The following CDH7 variants were observed in gnomAD, a reference collection of about 807,000 sequenced individuals.
CDH7 encodes cadherin-7.
Under a neutral mutation model 71.8 loss-of-function variants are expected in CDH7, and 25 were observed. The observed-to-expected ratio is 0.35, with a 90% CI of 0.25 to 0.49. The LOEUF (loss-of-function observed/expected upper bound fraction) is 0.49. Among genes scored for constraint, CDH7 ranks in the 20% least tolerant of loss-of-function variants. The pLI, the probability that CDH7 is intolerant of heterozygous loss-of-function variation, is 0.99. For missense variants in CDH7, 862 were observed against 974.6 expected, an observed-to-expected ratio of 0.88 and a Z score of 1.54; for synonymous variants, 381 against 363.8, an observed-to-expected ratio of 1.05 and a Z score of -0.54.
chr18:65,867,829 A>T (rs192639593), intron 11 of CDH7, among the ~76,000 whole-genome samples: 57 of 152,264 alleles, frequency 3.7e-4, no homozygotes, highest in African/African-American at 1.3e-3. Context: ...CTCAGATTTA[A>T]TAAGGTGTTT....
intron 2 of CDH7, among the ~76,000 whole-genome samples, chr18:65,770,234 C>T (rs1472904560): frequency 2.6e-5 from 4 of 152,070 alleles, no homozygotes; most frequent in Non-Finnish European, 5.9e-5. Context: ...CTGAACCATG[C>T]AATAGTATTC....
chr18:65,835,423 T>C (rs570614199), intron 6 of CDH7, among the ~76,000 whole-genome samples: 2 of 152,282 alleles, frequency 1.3e-5, no homozygotes, highest in Admixed American at 1.3e-4. Flanking sequence ...AAATACTGAA[T>C]CTCAGTTCTG....
intron 2 of CDH7, among the ~76,000 whole-genome samples, chr18:65,779,524 A>G (rs1231287562): frequency 1.6e-5 from 1 of 62,734 alleles, no homozygotes; most frequent in African/African-American, 6.9e-5. Flanking sequence ...TCATTGTTCA[A>G]TTCCCACCTA....
intron 11 of CDH7, 73 bp downstream of exon 11, chr18:65,862,990 T>G: frequency 6.7e-7 from 1 of 1,492,976 alleles, no homozygotes; most frequent in Non-Finnish European, 9.2e-7. Context: ...GCCTATTATC[T>G]TCTCCATTTG....
chr18:65,868,534 A>G (rs1363272121), intron 11 of CDH7, among the ~76,000 whole-genome samples: 1 of 152,226 alleles, frequency 6.6e-6, no homozygotes, highest in Non-Finnish European at 1.5e-5. Context: ...AGGTTTGTGG[A>G]TATTACAGCC....
intron 2 of CDH7, among the ~76,000 whole-genome samples, chr18:65,778,153 T>G (rs28761777): frequency 0.017 from 2,530 of 151,286 alleles, 66 homozygotes; most frequent in African/African-American, 0.058. Context: ...GCACCTGTAA[T>G]CCCAGCTACT....
chr18:65,755,916 A>C (rs562099006), intron 1 of CDH7, among the ~76,000 whole-genome samples: 27 of 152,276 alleles, frequency 1.8e-4, no homozygotes, highest in African/African-American at 6.0e-4. Context: ...AAATAAAACC[A>C]TTAAATATCC....
At chr18:65,835,762 A>G (rs779316783) in intron 6 of CDH7, among the ~76,000 whole-genome samples, 2 of 152,242 alleles carry the variant, frequency 1.3e-5, no homozygotes, top group Admixed American at 6.5e-5. Flanking sequence ...TGCTTATAAA[A>G]TCAAAACAGA....
intron 2 of CDH7, among the ~76,000 whole-genome samples, chr18:65,790,220 CAAAAAAAA>C (rs10552878): frequency 3.0e-5 from 2 of 66,500 alleles, no homozygotes; most frequent in Non-Finnish European, 5.9e-5. Flanking sequence ...GACTCTCTCT[CAAAAAAAA>C]AAAAAAAAAA....
At chr18:65,835,982 G>A (rs1416815332) in intron 6 of CDH7, among the ~76,000 whole-genome samples, 1 of 152,156 alleles carries the variant, frequency 6.6e-6, no homozygotes, top group Non-Finnish European at 1.5e-5. Flanking sequence ...AAAGAAGGAT[G>A]AGTCAGTGTT....
chr18:65,851,065 A>G (rs1019518469), intron 7 of CDH7, among the ~76,000 whole-genome samples: 6 of 151,304 alleles, frequency 4.0e-5, no homozygotes, highest in Admixed American at 6.6e-5. Flanking sequence ...TGGCCTCCCA[A>G]AATGCTGGGA....
intron 10 of CDH7, among the ~76,000 whole-genome samples, chr18:65,862,323 T>G (rs2144037301): frequency 6.6e-6 from 1 of 152,326 alleles, no homozygotes; most frequent in African/African-American, 2.4e-5. Flanking sequence ...TGTACCATCC[T>G]TTCTATAAGT....
chr18:65,870,103 G>A (rs1913885260), intron 11 of CDH7, among the ~76,000 whole-genome samples: 1 of 152,114 alleles, frequency 6.6e-6, no homozygotes, highest in Non-Finnish European at 1.5e-5. Flanking sequence ...TATGACTAAA[G>A]GTAGATGGAG....
At chr18:65,816,498 G>C (rs995959239) in intron 4 of CDH7, among the ~76,000 whole-genome samples, 11 of 151,802 alleles carry the variant, frequency 7.2e-5, no homozygotes, top group African/African-American at 2.7e-4. Flanking sequence ...GGGTTTTTTG[G>C]GAAGAAAGTA....
At chr18:65,852,729 G>A (rs1441838553) in intron 7 of CDH7, among the ~76,000 whole-genome samples, 1 of 152,034 alleles carries the variant, frequency 6.6e-6, no homozygotes, top group Non-Finnish European at 1.5e-5. Flanking sequence ...AGGGACATAT[G>A]GCTGCGTCTA....
rs1464052945 is a variant in CDH7, at chr18:65,853,929, A to C, written c.1236-3887A>C. ...ACCATATATATATATATATATATAT[A>C]TATATATATATATATATATATATAT... On this transcript the variant is annotated intron_variant, in intron 7 of 11. Coordinates refer to ENST00000397968, the MANE Select transcript of CDH7 (RefSeq NM_004361.5). 1.2e-3 allele frequency among the ~76,000 whole-genome samples: 122 copies of C among 98,186 alleles called. 1 individual carries two copies. The highest frequency in any genetic ancestry group is 4.7e-3 in the African/African-American group (119 of 25,432). 64.4% of individuals were successfully genotyped at this position (98,186 alleles called of 152,430 possible).
At chr18:65,849,220 A>C (rs1013944261) in intron 7 of CDH7, among the ~76,000 whole-genome samples, 1 of 152,106 alleles carries the variant, frequency 6.6e-6, no homozygotes, top group Non-Finnish European at 1.5e-5. Flanking sequence ...AAAAGAAAGT[A>C]TATGTTCATG....
chr18:65,872,066 T>C (rs1444848803), intron 11 of CDH7, among the ~76,000 whole-genome samples: 2 of 152,144 alleles, frequency 1.3e-5, no homozygotes, highest in African/African-American at 2.4e-5. Context: ...CAAAAAAACA[T>C]GGTTTGAAAG....
intron 6 of CDH7, among the ~76,000 whole-genome samples, chr18:65,837,495 T>C (rs370916174): frequency 8.5e-5 from 13 of 152,344 alleles, no homozygotes; most frequent in South Asian, 8.3e-4. Context: ...CTGGGAGGTA[T>C]TGGTTCTGTC....
Sources: gnomAD v4.1 joint callset for allele counts (sites outside exome capture counted in the v4.1 genomes callset) on GRCh38, gnomAD v4.1.1 for gene constraint, MANE v1.5 for transcripts, NCBI Gene and HGNC (gene_info 2026-07-23, HGNC 2026-07-21) for gene names.